The following ME3 variants were observed in gnomAD, a reference collection of about 807,000 sequenced individuals.
The protein encoded by ME3 is malic enzyme 3, also known as NADP-dependent malic enzyme, mitochondrial.
A neutral mutation model predicts 68.9 loss-of-function variants in ME3; 48 were observed. The observed-to-expected ratio is 0.70, with a 90% CI of 0.55 to 0.89. The LOEUF (loss-of-function observed/expected upper bound fraction) is 0.89. Among genes scored for constraint, ME3 ranks in the 40% least tolerant of loss-of-function variants. The pLI, the probability that ME3 is intolerant of heterozygous loss-of-function variation, is 0.00. For missense variants in ME3, 675 were observed against 797.4 expected, an observed-to-expected ratio of 0.85 and a Z score of 1.85; for synonymous variants, 320 against 318.8, an observed-to-expected ratio of 1.00 and a Z score of -0.04.
intron 4 of ME3, among the ~76,000 whole-genome samples, chr11:86,521,462 G>C (rs560687693): frequency 3.9e-4 from 51 of 130,540 alleles, no homozygotes; most frequent in African/African-American, 1.4e-3. Context: ...TAAAAAAATG[G>C]AGCTGTAATC....
chr11:86,441,084 T>G (rs1370340618), downstream of ME3: 1 of 428,862 alleles, frequency 2.3e-6, no homozygotes, highest in African/African-American at 2.0e-5. Flanking sequence ...AGAGGAGGGT[T>G]CAGAAAAGTG....
intron 2 of ME3, among the ~76,000 whole-genome samples, chr11:86,569,713 T>G (rs945813360): frequency 2.6e-4 from 40 of 152,198 alleles, no homozygotes; most frequent in African/African-American, 9.7e-4. Context: ...TCGTGTCCTC[T>G]CATTCTCTGA....
intron 2 of ME3, among the ~76,000 whole-genome samples, chr11:86,648,251 C>CT (rs1230167115): frequency 1.3e-5 from 2 of 151,954 alleles, no homozygotes; most frequent in East Asian, 3.9e-4. Context: ...TGGGACACAG[C>CT]TAAAGCAGTA....
At chr11:86,521,171 C>T (rs1954246875) in intron 4 of ME3, among the ~76,000 whole-genome samples, 1 of 152,090 alleles carries the variant, frequency 6.6e-6, no homozygotes, top group East Asian at 1.9e-4. Flanking sequence ...GGGCGGATCA[C>T]GCACGAGGTC....
intron 2 of ME3, among the ~76,000 whole-genome samples, chr11:86,624,073 A>T (rs2135281382): frequency 6.6e-6 from 1 of 152,304 alleles, no homozygotes; most frequent in South Asian, 2.1e-4. Context: ...CCAGGATTTT[A>T]TACCTCTTTG....
intron 2 of ME3, among the ~76,000 whole-genome samples, chr11:86,650,466 G>A (rs686768): frequency 0.91 from 138,639 of 152,256 alleles, 63,192 homozygotes; most frequent in Middle Eastern, 0.97. Flanking sequence ...ATGGGATCTA[G>A]TTAAACTAAA....
rs954230621 is a variant in ME3 at position 86,576,602 on chromosome 11, T to C, written c.184-16779A>G. On this transcript the variant is annotated intron_variant, in intron 2 of 14. Transcript: ENST00000543262. ...GTACTGACTGACTTGTTGGTCCCATTTCCTTCCTTTATGTGCCCTTCCTGG... is the reference window on the plus strand; with the variant it reads ...GTACTGACTGACTTGTTGGTCCCATCTCCTTCCTTTATGTGCCCTTCCTGG... Among the ~76,000 whole-genome samples the C allele has an allele frequency of 3.3e-5, 5 of 152,288 alleles. No homozygotes were observed. The South Asian group carries it at 1.0e-3, about 32-fold the overall frequency.
At chr11:86,471,277 A>G (rs1000797940) in intron 7 of ME3, among the ~76,000 whole-genome samples, 2 of 150,972 alleles carry the variant, frequency 1.3e-5, no homozygotes, top group Non-Finnish European at 2.9e-5. Context: ...CTGGAACTAC[A>G]GGCATGCACC....
intron 2 of ME3, among the ~76,000 whole-genome samples, chr11:86,606,145 A>C (rs1307236791): frequency 6.6e-6 from 1 of 152,210 alleles, no homozygotes; most frequent in Non-Finnish European, 1.5e-5. Context: ...TGACCCTTAC[A>C]TAGCAATGGT....
chr11:86,451,214 A>C (rs1462154539), intron 8 of ME3, among the ~76,000 whole-genome samples: 1 of 152,188 alleles, frequency 6.6e-6, no homozygotes, highest in African/African-American at 2.4e-5. Flanking sequence ...AGCAGTTGCT[A>C]ATGGTTTAGC....
At chr11:86,619,604 A>C (rs977676498) in intron 2 of ME3, among the ~76,000 whole-genome samples, 2 of 151,614 alleles carry the variant, frequency 1.3e-5, no homozygotes, top group African/African-American at 4.9e-5. Context: ...ATAAGGGGAA[A>C]CCCCTTTTGC....
At chr11:86,495,803 C>T (rs2139000162) in intron 6 of ME3, among the ~76,000 whole-genome samples, 1 of 152,244 alleles carries the variant, frequency 6.6e-6, no homozygotes, top group Admixed American at 6.5e-5. Context: ...TTGAAGGATG[C>T]TTAGTAACTT....
intron 2 of ME3, among the ~76,000 whole-genome samples, chr11:86,633,532 TA>T (rs1372171326): frequency 2.0e-5 from 3 of 152,120 alleles, no homozygotes; most frequent in Non-Finnish European, 2.9e-5. Context: ...AGGAGAAATG[TA>T]ATAAGAGAAA....
At chr11:86,601,842 A>C (rs1193205373) in intron 2 of ME3, among the ~76,000 whole-genome samples, 1 of 151,516 alleles carries the variant, frequency 6.6e-6, no homozygotes, top group Non-Finnish European at 1.5e-5. Flanking sequence ...AACAGAACCA[A>C]AGACAAAAAC....
intron 2 of ME3, among the ~76,000 whole-genome samples, chr11:86,662,540 T>C (rs1220056049): frequency 6.6e-6 from 1 of 152,092 alleles, no homozygotes; most frequent in East Asian, 1.9e-4. Flanking sequence ...AAGGCTGCAG[T>C]GAACTATGAT....
In ME3 at chr11:86,556,510, A is replaced by G. The variant is rs749033587; in HGVS notation, c.467+43T>C. 2.9e-5 allele frequency: 46 copies of G among 1,592,840 alleles called. No individual in the cohort carries two copies. In the East Asian group the frequency reaches 9.7e-4, roughly 33 times the overall value. On this transcript the variant is annotated intron_variant, in intron 4 of 14. Transcript: ENST00000543262. ...GGGCGGAAAGAATTTATTCCCCTCTATGAGGCAGCCCCTCCCAGAGCCCTC... is the reference window on the plus strand; with the variant it reads ...GGGCGGAAAGAATTTATTCCCCTCTGTGAGGCAGCCCCTCCCAGAGCCCTC...
chr11:86,598,185 C>G (rs998726791), intron 2 of ME3, among the ~76,000 whole-genome samples: 2 of 152,204 alleles, frequency 1.3e-5, no homozygotes, highest in East Asian at 3.9e-4. Flanking sequence ...AGGGAGTTCC[C>G]TTTCCTGGTC....
intron 2 of ME3, among the ~76,000 whole-genome samples, chr11:86,669,675 T>C (rs1255195203): frequency 6.6e-6 from 1 of 152,184 alleles, no homozygotes; most frequent in East Asian, 1.9e-4. Flanking sequence ...ATTATGGGGA[T>C]TATAATTCAA....
intron 7 of ME3, among the ~76,000 whole-genome samples, chr11:86,467,300 T>G (rs999338359): frequency 6.6e-6 from 1 of 152,196 alleles, no homozygotes; most frequent in Non-Finnish European, 1.5e-5. Context: ...GCCACAATTC[T>G]TCTTCACAGT....
Sources: allele counts gnomAD v4.1 joint callset (sites outside exome capture counted in the v4.1 genomes callset), GRCh38; gene constraint gnomAD v4.1.1; transcripts MANE v1.5; gene names NCBI Gene and HGNC (gene_info 2026-07-23, HGNC 2026-07-21).